Variants in DLGAP1 observed in about 807,000 individuals in gnomAD.
DLGAP1 encodes DLG associated protein 1, also known as disks large-associated protein 1.
In DLGAP1, 11 loss-of-function variants were observed where a neutral mutation model predicts 90.8. The ratio of observed to expected loss-of-function variants is 0.12; its 90% CI spans 0.08 to 0.20. The LOEUF is 0.20. Among genes scored for constraint, DLGAP1 ranks in the 10% least tolerant of loss-of-function variants. The probability of loss-of-function intolerance (pLI) is 1.00; values close to 1 mark genes in which losing one functional copy is unlikely to be tolerated. For missense variants in DLGAP1, 1,050 were observed against 1,333.8 expected, an observed-to-expected ratio of 0.79 and a Z score of 3.31; for synonymous variants, 558 against 540.7, an observed-to-expected ratio of 1.03 and a Z score of -0.44.
At chr18:4,024,778 A>G (rs1174058496) in intron 2 of DLGAP1, among the ~76,000 whole-genome samples, 4 of 152,192 alleles carry the variant, frequency 2.6e-5, no homozygotes, top group Admixed American at 6.5e-5. Context: ...CACACTGGCC[A>G]GACTTAGAGG....
At chr18:4,028,813 T>A (rs185662913) in intron 2 of DLGAP1, among the ~76,000 whole-genome samples, 2 of 152,328 alleles carry the variant, frequency 1.3e-5, no homozygotes, top group East Asian at 1.9e-4. Context: ...CTCAAATGCA[T>A]CACATTATTT....
At chr18:3,710,086 C>G (rs115782602) in intron 7 of DLGAP1, among the ~76,000 whole-genome samples, 61 of 152,288 alleles carry the variant, frequency 4.0e-4, no homozygotes, top group Admixed American at 4.0e-3. Context: ...TGTGTGGCTA[C>G]GTTTAGCACA....
chr18:4,434,117 T>C (rs1025519352), intron 1 of DLGAP1, among the ~76,000 whole-genome samples: 2 of 152,092 alleles, frequency 1.3e-5, no homozygotes, highest in Non-Finnish European at 2.9e-5. Context: ...CCAACCTGTT[T>C]TCTATTTTAT....
intron 1 of DLGAP1, among the ~76,000 whole-genome samples, chr18:4,358,018 C>T (rs2081558499): frequency 6.6e-6 from 1 of 152,142 alleles, no homozygotes; most frequent in South Asian, 2.1e-4. Context: ...CAAGCTTTGC[C>T]TGTTGGAAGG....
chr18:3,620,672 C>T (rs546283883), intron 7 of DLGAP1, among the ~76,000 whole-genome samples: 12 of 152,200 alleles, frequency 7.9e-5, no homozygotes, highest in African/African-American at 2.9e-4. Context: ...ATTCTTCTGC[C>T]TCAGCCTCCC....
rs137979741 is a variant in DLGAP1, at chr18:3,950,302, T to G, written c.-73+54814A>C. On this transcript the variant is annotated intron_variant, in intron 3 of 12. Coordinates refer to ENST00000315677, the MANE Select transcript of DLGAP1 (RefSeq NM_004746.4). ...ACACATATACTTCCTGCTGGAATGATGTTTTCTCTCCTACCTGGTTAACAC... is the reference window on the plus strand; with the variant it reads ...ACACATATACTTCCTGCTGGAATGAGGTTTTCTCTCCTACCTGGTTAACAC... Among the ~76,000 whole-genome samples the G allele has an allele frequency of 1.7e-4, 26 of 152,356 alleles. 2 individuals are homozygous for G. Among genetic ancestry groups the G allele is most frequent in the African/African-American group, 6.0e-4 (25 of 41,586 alleles).
intron 7 of DLGAP1, among the ~76,000 whole-genome samples, chr18:3,610,185 T>C (rs1294163420): frequency 6.6e-6 from 1 of 152,226 alleles, no homozygotes; most frequent in African/African-American, 2.4e-5. Flanking sequence ...ATATACTTCT[T>C]TGGCATATTT....
intron 2 of DLGAP1, among the ~76,000 whole-genome samples, chr18:4,110,277 T>C (rs2075950022): frequency 6.6e-6 from 1 of 152,200 alleles, no homozygotes; most frequent in South Asian, 2.1e-4. Context: ...TTTAAACATA[T>C]TGAAACAAAG....
At chr18:3,955,171 G>T (rs962125234) in intron 3 of DLGAP1, among the ~76,000 whole-genome samples, 1 of 152,118 alleles carries the variant, frequency 6.6e-6, no homozygotes, top group Non-Finnish European at 1.5e-5. Flanking sequence ...GAAAAACTCA[G>T]AGTTTATGGG....
intron 1 of DLGAP1, among the ~76,000 whole-genome samples, chr18:4,453,328 A>C (rs954289102): frequency 4.6e-5 from 7 of 151,670 alleles, no homozygotes; most frequent in Non-Finnish European, 7.4e-5. Flanking sequence ...ATTTCTTTAT[A>C]GGCTTGAATT....
intron 2 of DLGAP1, among the ~76,000 whole-genome samples, chr18:4,072,953 C>T (rs372054729): frequency 6.6e-6 from 1 of 152,194 alleles, no homozygotes; most frequent in African/African-American, 2.4e-5. Flanking sequence ...GGAGTAAGAA[C>T]GTGGACTTCA....
chr18:4,413,520 T>A (rs1245591752), intron 1 of DLGAP1, among the ~76,000 whole-genome samples: 1 of 152,158 alleles, frequency 6.6e-6, no homozygotes, highest in African/African-American at 2.4e-5. Context: ...CCCTACTCCC[T>A]TACGGGCTAT....
chr18:4,365,538 A>G (rs958346041), intron 1 of DLGAP1, among the ~76,000 whole-genome samples: 1 of 152,146 alleles, frequency 6.6e-6, no homozygotes, highest in African/African-American at 2.4e-5. Context: ...CACAACTAAA[A>G]TGAATGAATT....
At chr18:4,006,009 C>G (rs2074294359) in intron 2 of DLGAP1, among the ~76,000 whole-genome samples, 1 of 152,156 alleles carries the variant, frequency 6.6e-6, no homozygotes, top group African/African-American at 2.4e-5. Flanking sequence ...TTGTACTTCA[C>G]TTTTACTGAT....
At chr18:3,944,223 T>G (rs2072830628) in intron 3 of DLGAP1, among the ~76,000 whole-genome samples, 1 of 152,200 alleles carries the variant, frequency 6.6e-6, no homozygotes, top group Non-Finnish European at 1.5e-5. Context: ...AAGGGCTGGA[T>G]GCGCTGGCTC....
chr18:3,879,512 T>C lies in DLGAP1; in HGVS notation c.557A>G (p.Glu186Gly). 1.2e-6 allele frequency: 2 copies of C among 1,602,920 alleles called. No individual in the cohort carries two copies. Among genetic ancestry groups the C allele is most frequent in the Non-Finnish European group, 1.7e-6 (2 of 1,179,538 alleles). Residue 186 changes from glutamate to glycine, a missense_variant, in exon 4 of 13, where the codon GAG (glutamate) becomes GGG (glycine). Transcript: ENST00000315677. The surrounding 1 kb of genome is among the most constrained non-coding windows in gnomAD (Gnocchi z 6.6). Reference sequence around the variant, plus strand: ...CCGGGCCTTGGGCTCCGCGCGCCGCTCCTTGCTCTTGCTGCGTTTGCCATA... The same window carrying C: ...CCGGGCCTTGGGCTCCGCGCGCCGCCCCTTGCTCTTGCTGCGTTTGCCATA... ...ARYGKRSKSK[E>G]RRAEPKARPS... is the part of the protein sequence containing the mutation.
At chr18:4,436,853 C>T (rs1279488063) in intron 1 of DLGAP1, among the ~76,000 whole-genome samples, 1 of 152,184 alleles carries the variant, frequency 6.6e-6, no homozygotes, top group Non-Finnish European at 1.5e-5. Context: ...TTATCAAAAA[C>T]ACATTACTTA....
At chr18:3,651,851 A>G (rs7407613) in intron 7 of DLGAP1, among the ~76,000 whole-genome samples, 52,737 of 150,738 alleles carry the variant, frequency 0.35, 11,114 homozygotes, top group African/African-American at 0.61. Context: ...GGCACCTGTA[A>G]TCCCAGCTAC....
chr18:4,114,628 G>T (rs1413181066), intron 2 of DLGAP1, among the ~76,000 whole-genome samples: 1 of 151,922 alleles, frequency 6.6e-6, no homozygotes, highest in East Asian at 1.9e-4. Flanking sequence ...GTTGCTCTGG[G>T]TATGACTTCT....
Sources: gnomAD v4.1 joint callset for allele counts (sites outside exome capture counted in the v4.1 genomes callset) on GRCh38, gnomAD v4.1.1 for gene constraint, Gnocchi (gnomAD v3.1) non-coding constraint, MANE v1.5 for transcripts, NCBI Gene and HGNC (gene_info 2026-07-23, HGNC 2026-07-21) for gene names.